Variants in PCM1 observed in about 807,000 individuals in gnomAD.
The protein encoded by PCM1 is pericentriolar material 1 protein.
PCM1 carries 157 observed loss-of-function variants against 241.9 expected under a neutral mutation model. That is an observed-to-expected ratio of 0.65 (90% CI 0.57 to 0.74). PCM1 has a LOEUF of 0.74. Among genes scored for constraint, PCM1 ranks in the 30% least tolerant of loss-of-function variants. The pLI, the probability that PCM1 is intolerant of heterozygous loss-of-function variation, is 0.00. For synonymous variants in PCM1, 1,085 were observed against 784.9 expected, an observed-to-expected ratio of 1.38 and a Z score of -6.39; for missense variants, 3,478 against 2,360.1, an observed-to-expected ratio of 1.47 and a Z score of -9.81.
chr8:17,924,163 G>A (rs540897944), intron 1 of PCM1, among the ~76,000 whole-genome samples: 2 of 152,050 alleles, frequency 1.3e-5, no homozygotes, highest in Non-Finnish European at 2.9e-5. Flanking sequence ...TTACCGGAGT[G>A]GGTGTTGCAG....
chr8:17,974,544 T>G (rs928727884), intron 23 of PCM1, among the ~76,000 whole-genome samples: 3 of 152,172 alleles, frequency 2.0e-5, no homozygotes, highest in Non-Finnish European at 4.4e-5. Context: ...GACTCTCTTG[T>G]GTTGCCAGTA....
chr8:17,957,752 C>A lies in PCM1; in HGVS notation c.2017C>A (p.Gln673Lys), dbSNP rs769398511. 5 of 1,612,676 alleles carry A rather than the reference C, an allele frequency of 3.1e-6. No homozygotes were observed. In the African/African-American group the frequency reaches 6.7e-5, roughly 22 times the overall value. The change falls in exon 13 of 39, where the codon CAA becomes AAA. Residue 673 changes from glutamine (Q) to lysine (K), a missense_variant. By Grantham distance (53) the Gln-to-Lys change is moderately conservative. Transcript: ENST00000325083. ...TGCAAAACAGAAACTTAGACAGTTA[C>A]AAGATCTTGTTGCTATGGTACAGGT... ...MAAKQKLRQL[Q>K]DLVAMVQDDD...
Position 18,025,508 on chromosome 8 carries a change from G to A in PCM1, c.5935-36G>A, listed in dbSNP as rs990154643. On this transcript the variant is annotated intron_variant, in intron 37 of 38. Coordinates refer to ENST00000325083, the MANE Select transcript of PCM1 (RefSeq NM_006197.4). ...TTTACATAACAAATACTGTTAAAAT[G>A]AAAAATGATTTGTATTTTTAATTTT... The A allele has an allele frequency of 2.6e-6, 4 of 1,524,314 alleles. No individual in the cohort carries two copies. The Admixed American group carries it at 5.4e-5, about 20-fold the overall frequency. 94.4% of individuals were successfully genotyped at this position (1,524,314 alleles called of 1,614,324 possible).
chr8:17,989,795 T>C, intron 26 of PCM1, 64 bp from the exon 27 acceptor site: 1 of 1,130,584 alleles, frequency 8.8e-7, no homozygotes. Flanking sequence ...GTTATCTCTG[T>C]TAGATTATTA....
intron 28 of PCM1, among the ~76,000 whole-genome samples, chr8:17,992,176 G>A (rs2084903706): frequency 6.6e-6 from 1 of 152,076 alleles, no homozygotes; most frequent in African/African-American, 2.4e-5. Context: ...TCCATATTTT[G>A]CAACTGCAGA....
chr8:17,955,762 T>C (rs186585175), intron 10 of PCM1, 109 bp downstream of exon 10: 5 of 852,150 alleles, frequency 5.9e-6, no homozygotes, highest in Non-Finnish European at 9.6e-6. Flanking sequence ...AATATTGTTG[T>C]AAACATTCTT....
intron 22 of PCM1, 72 bp from the exon 23 acceptor site, chr8:17,972,255 CTA>C: frequency 1.2e-6 from 1 of 823,470 alleles, no homozygotes; most frequent in Non-Finnish European, 1.8e-6. Context: ...CTCGAGTAGA[CTA>C]TAAATTCAGT....
Position 18,027,681 on chromosome 8 carries a change from T to C in PCM1, c.*19T>C. 6.4e-7 allele frequency: 1 copy of C among 1,565,642 alleles called. No individual in the cohort carries two copies. Among genetic ancestry groups the C allele is most frequent in the Non-Finnish European group, 8.8e-7 (1 of 1,142,348 alleles). ...TATATGAGATGTCTTCAGAGGCTCA[T>C]CTAACTCTGTCCTTACATACTCAAT... On this transcript the variant is annotated 3_prime_UTR_variant, in exon 39 of 39. Transcript: ENST00000325083.
rs775352089 is a variant in PCM1 at position 17,964,659 on chromosome 8, G to A, written c.2746G>A (p.Asp916Asn). ...GYLSEGIVRT[D>N]EEEEEEQDAS... ...CCTTTCTGAAGGAATTGTTCGGACA[G>A]ATGAAGAGGAGGAAGAAGAGCAAGA... The change falls in exon 18 of 39, where the codon GAT becomes AAT. Residue 916 changes from aspartate (D) to asparagine (N), a missense_variant. Physicochemically the swap from Asp to Asn is conservative, Grantham distance 23. Transcript: ENST00000325083. 4.2e-5 allele frequency: 68 copies of A among 1,613,814 alleles called. No individual in the cohort carries two copies. Among genetic ancestry groups the A allele is most frequent in the Non-Finnish European group, 5.0e-5 (59 of 1,179,840 alleles).
At chr8:17,978,529 TC>T (rs2079539787) in intron 23 of PCM1, among the ~76,000 whole-genome samples, 1 of 151,858 alleles carries the variant, frequency 6.6e-6, no homozygotes, top group African/African-American at 2.4e-5. Context: ...CAGGCAATCT[TC>T]CTTACCACAC....
chr8:18,011,854 C>T (rs2092562862), intron 34 of PCM1, 27 bp downstream of exon 34: 1 of 1,550,910 alleles, frequency 6.4e-7, no homozygotes, highest in East Asian at 2.2e-5. Flanking sequence ...TGACACACTT[C>T]CATCAGCCTT....
intron 22 of PCM1, among the ~76,000 whole-genome samples, chr8:17,972,090 GA>G (rs1387178113): frequency 6.6e-6 from 1 of 152,108 alleles, no homozygotes; most frequent in Non-Finnish European, 1.5e-5. Flanking sequence ...CTAGATCTTT[GA>G]TAAGGAACTT....
chr8:17,977,725 A>G (rs773184345), intron 23 of PCM1, among the ~76,000 whole-genome samples: 5 of 152,170 alleles, frequency 3.3e-5, no homozygotes, highest in Non-Finnish European at 4.4e-5. Context: ...ATGGGAGAGC[A>G]TTAGTCTTTG....
In PCM1 at chr8:17,972,559, C is replaced by T. The variant is rs376592048; in HGVS notation, c.3815C>T (p.Thr1272Ile). The change falls in exon 23 of 39, where the codon ACA becomes ATA. Residue 1272 changes from threonine to isoleucine, a missense_variant. Coordinates refer to ENST00000325083, the MANE Select transcript of PCM1 (RefSeq NM_006197.4). ...ATGCCTGATCCAGTAGATCCAACAA[C>T]AGTGACTAAAACATTCAAGACAAGA... ...SSMPDPVDPT[T>I]VTKTFKTRKA... 4.2e-5 allele frequency: 67 copies of T among 1,613,652 alleles called. No homozygotes were observed. Among genetic ancestry groups the T allele is most frequent in the Non-Finnish European group, 5.3e-5 (63 of 1,179,716 alleles).
At chr8:18,013,757 T>C (rs973666764) in intron 34 of PCM1, 3 of 513,184 alleles carry the variant, frequency 5.8e-6, no homozygotes, top group Non-Finnish European at 1.0e-5. Context: ...ACTGTGTGTG[T>C]GTGTTTTTAA....
chr8:18,028,114 CT>C lies in PCM1; in HGVS notation c.*454del. 2 of 202,828 alleles carry C rather than the reference CT, an allele frequency of 9.9e-6. No homozygotes were observed. Among genetic ancestry groups the C allele is most frequent in the East Asian group, 1.5e-4 (2 of 13,174 alleles). 12.6% of individuals were successfully genotyped at this position (202,828 alleles called of 1,614,324 possible). A position where few individuals can be genotyped will look rare whatever the true frequency, so the allele number is the denominator to read the frequency against. ...TATAAAGCCCATCCATTAGGCCAGT[CT>C]TCCAACTAATGCCAGTGTTGCTGCT... On this transcript the variant is annotated 3_prime_UTR_variant, in exon 39 of 39. Coordinates refer to ENST00000325083, the MANE Select transcript of PCM1 (RefSeq NM_006197.4).
chr8:17,937,538 GTCT>G (rs764977731), intron 4 of PCM1, among the ~76,000 whole-genome samples, 159 bp downstream of exon 4: 4 of 152,156 alleles, frequency 2.6e-5, no homozygotes, highest in East Asian at 1.9e-4. Context: ...GGATGGTCCT[GTCT>G]TCTTTAGAAG....
chr8:18,016,838 T>C (rs2093266298), intron 36 of PCM1, among the ~76,000 whole-genome samples: 1 of 152,222 alleles, frequency 6.6e-6, no homozygotes, highest in African/African-American at 2.4e-5. Context: ...CTTTGCTTAG[T>C]TAGACCCTCA....
intron 10 of PCM1, 189 bp downstream of exon 10, chr8:17,955,842 A>G (rs1439747145): frequency 3.4e-6 from 2 of 591,774 alleles, no homozygotes; most frequent in African/African-American, 3.7e-5. Flanking sequence ...GATGTGATGT[A>G]ACATAGTTTC....
Sources: allele counts gnomAD v4.1 joint callset (sites outside exome capture counted in the v4.1 genomes callset), GRCh38; gene constraint gnomAD v4.1.1; transcripts MANE v1.5; gene names NCBI Gene and HGNC (gene_info 2026-07-23, HGNC 2026-07-21).